The following EIF4A3 variants were observed in gnomAD, a reference collection of about 807,000 sequenced individuals.
The protein encoded by EIF4A3 is eukaryotic initiation factor 4A-III.
In EIF4A3, 1 loss-of-function variant was observed where a neutral mutation model predicts 55.6. The observed-to-expected ratio is 0.02, with a 90% CI of 0.01 to 0.09. The LOEUF is 0.09. Ranked by LOEUF, EIF4A3 falls within the 10% of genes least tolerant of loss-of-function variation. The pLI is 1.00. For missense variants in EIF4A3, 221 were observed against 540.7 expected (o/e 0.41, Z 5.86); for synonymous variants, 194 against 196.3 (o/e 0.99, Z 0.10).
Position 80,135,149 on chromosome 17 carries a change from C to CAA in EIF4A3, c.*339_*340dup, listed in dbSNP as rs1311618112. 4.6e-4 allele frequency: 62 copies of CAA among 133,578 alleles called. No individual in the cohort carries two copies. Among genetic ancestry groups the CAA allele is most frequent in the Non-Finnish European group, 6.8e-4 (48 of 70,782 alleles). 8.3% of individuals were successfully genotyped at this position (133,578 alleles called of 1,614,324 possible). A position where few individuals can be genotyped will look rare whatever the true frequency, so the allele number is the denominator to read the frequency against. On this transcript the variant is annotated 3_prime_UTR_variant, in exon 12 of 12. Transcript: ENST00000649764. ...CCTGGGCAACAGAGGGAGACTGTCT[C>CAA]AAAAAAAAAAAAGAAAAAGAAAAGA...
intron 11 of EIF4A3, 30 bp downstream of exon 11, chr17:80,135,974 C>T (rs1251486164): frequency 1.4e-5 from 23 of 1,606,078 alleles, no homozygotes; most frequent in Non-Finnish European, 1.9e-5. Context: ...GTTCCCTCTA[C>T]AATTACAGTA....
At chr17:80,145,255 T>C (rs1315345807) in intron 1 of EIF4A3, among the ~76,000 whole-genome samples, 2 of 152,156 alleles carry the variant, frequency 1.3e-5, no homozygotes, top group Non-Finnish European at 2.9e-5. Flanking sequence ...TTGTCCAAAC[T>C]GTTGTGGCAT....
intron 2 of EIF4A3, among the ~76,000 whole-genome samples, chr17:80,143,688 G>A (rs2039636204): frequency 1.3e-5 from 2 of 152,200 alleles, no homozygotes; most frequent in Admixed American, 6.5e-5. Flanking sequence ...CTAAGAAAAT[G>A]AAAGCCTTGG....
chr17:80,138,321 C>T (rs774385640), intron 7 of EIF4A3, 41 bp from the exon 8 acceptor site: 1 of 1,606,984 alleles, frequency 6.2e-7, no homozygotes, highest in Non-Finnish European at 8.5e-7. Context: ...CTCATCCTTC[C>T]TTCTAGGACT....
intron 2 of EIF4A3, among the ~76,000 whole-genome samples, chr17:80,142,299 A>G (rs1160291515): frequency 6.6e-6 from 1 of 152,240 alleles, no homozygotes; most frequent in Non-Finnish European, 1.5e-5. Flanking sequence ...GTTTTCATCC[A>G]TAGTTCCTGG....
chr17:80,137,516 A>G lies in EIF4A3; in HGVS notation c.868-15T>C. Reference sequence around the variant, plus strand: ...AGCCAGTCCACCTACAAATCCAATCAACAGATGCTACTGCAAGCTAGTATA... The same window carrying G: ...AGCCAGTCCACCTACAAATCCAATCGACAGATGCTACTGCAAGCTAGTATA... On this transcript the variant is annotated splice_polypyrimidine_tract_variant and intron_variant, in intron 8 of 11. Transcript: ENST00000649764. 6.2e-7 allele frequency: 1 copy of G among 1,605,876 alleles called. No individual in the cohort carries two copies. Among genetic ancestry groups the G allele is most frequent in the East Asian group, 2.2e-5 (1 of 44,754 alleles).
intron 3 of EIF4A3, 88 bp downstream of exon 3, chr17:80,141,694 T>C: frequency 2.2e-6 from 3 of 1,373,942 alleles, no homozygotes; most frequent in African/African-American, 1.5e-5. Context: ...AAATTTTAAA[T>C]TGTACTTTTT....
rs148708646 is a variant in EIF4A3 at position 80,138,410 on chromosome 17, C to A, written c.729-130G>T. 288 of 1,104,460 alleles carry A rather than the reference C, an allele frequency of 2.6e-4. 4 individuals are homozygous for A. The East Asian group carries it at 5.1e-3, about 19-fold the overall frequency. 68.4% of individuals were successfully genotyped at this position (1,104,460 alleles called of 1,614,324 possible). A position where few individuals can be genotyped will look rare whatever the true frequency, so the allele number is the denominator to read the frequency against. On this transcript the variant is annotated intron_variant, in intron 7 of 11. Coordinates refer to ENST00000649764, the MANE Select transcript of EIF4A3 (RefSeq NM_014740.4). ...GTGATATCTGGTGCAGACCCAGCAG[C>A]CCCAGCCCTGTCCTCCATCCTATCA...
chr17:80,141,720 A>G, intron 3 of EIF4A3, 62 bp downstream of exon 3: 1 of 1,518,612 alleles, frequency 6.6e-7, no homozygotes, highest in South Asian at 1.1e-5. Flanking sequence ...CTGTAGTTAC[A>G]GAAGAAAAAG....
intron 11 of EIF4A3, 57 bp downstream of exon 11, chr17:80,135,947 A>G: frequency 1.9e-6 from 3 of 1,568,274 alleles, no homozygotes; most frequent in Non-Finnish European, 2.6e-6. Flanking sequence ...CAGGTGCCCC[A>G]AACTAAGAAT....
rs1182431131 is a variant in EIF4A3 at position 80,134,383 on chromosome 17, TTAAA to T, written c.*1103_*1106del. ...TACTTTAAATATTTCAACAGATAAC[TTAAA>T]TACTTTAATAATTTAAATATTTAAA... On this transcript the variant is annotated 3_prime_UTR_variant, in exon 12 of 12. Transcript: ENST00000649764. Among the ~76,000 whole-genome samples, 61 of 152,206 alleles carry T rather than the reference TTAAA, an allele frequency of 4.0e-4. 1 individual carries two copies. Among genetic ancestry groups the T allele is most frequent in the African/African-American group, 1.4e-3 (59 of 41,434 alleles).
chr17:80,141,176 G>A, intron 4 of EIF4A3, 143 bp downstream of exon 4: 4 of 810,262 alleles, frequency 4.9e-6, no homozygotes, highest in Non-Finnish European at 7.5e-6. Flanking sequence ...TTTATATAAT[G>A]ATTAATGGCA....
rs756463730 is a variant in EIF4A3 at position 80,136,332 on chromosome 17, T to C, written c.987A>G (p.Arg329=). Residue 329 remains arginine (R), a synonymous_variant, in exon 10 of 12, where the codon CGA becomes CGG. Transcript: ENST00000649764. The stretch of plus-strand genomic sequence containing the variant: ...CCCAGACATCTGTAGAAATAAGCAC[T>C]CGGCTGCAAAAAGAAAGAGTGTTTG... ...IMKEFRSGAS[R]VLISTDVWAR... is the part of the protein sequence containing the mutation. 6.2e-7 allele frequency: 1 copy of C among 1,612,102 alleles called. No homozygotes were observed. The highest frequency in any genetic ancestry group is 2.2e-5 in the East Asian group (1 of 44,866).
chr17:80,137,224 C>G, intron 9 of EIF4A3, 162 bp downstream of exon 9: 1 of 577,534 alleles, frequency 1.7e-6, no homozygotes, highest in Admixed American at 3.5e-5. Context: ...CAGCGGACCC[C>G]TCCTTAACTG....
At chr17:80,143,287 T>A (rs1389700585) in intron 2 of EIF4A3, among the ~76,000 whole-genome samples, 1 of 152,132 alleles carries the variant, frequency 6.6e-6, no homozygotes, top group Non-Finnish European at 1.5e-5. Context: ...TGCAGTACCC[T>A]TTATAATAAA....
In EIF4A3 at chr17:80,135,988, C is replaced by T. The variant is rs201799302; in HGVS notation, c.1219+16G>A. 2.5e-6 allele frequency: 4 copies of T among 1,612,900 alleles called. No homozygotes were observed. In the East Asian group the frequency reaches 6.7e-5, roughly 27 times the overall value. On this transcript the variant is annotated intron_variant, in intron 11 of 11. Coordinates refer to ENST00000649764, the MANE Select transcript of EIF4A3 (RefSeq NM_014740.4). Reference sequence around the variant, plus strand: ...AGTTCCCTCTACAATTACAGTAGAGCTGGACGATTTCCTACCGTTCATCGG... The same window carrying T: ...AGTTCCCTCTACAATTACAGTAGAGTTGGACGATTTCCTACCGTTCATCGG...
intron 9 of EIF4A3, chr17:80,136,589 A>G: frequency 1.9e-6 from 1 of 518,612 alleles, no homozygotes; most frequent in Non-Finnish European, 3.4e-6. Flanking sequence ...ATCTTTTACT[A>G]GACTATCTTT....
rs887742470 is a variant in EIF4A3, at chr17:80,135,368, G to A, written c.*122C>T. On this transcript the variant is annotated 3_prime_UTR_variant, in exon 12 of 12. Transcript: ENST00000649764. ...ATATCCTCTTCAAAGGAAGGGAGACGGCAGGCCATTTATGAGAAGAAAGTC... is the reference window on the plus strand; with the variant it reads ...ATATCCTCTTCAAAGGAAGGGAGACAGCAGGCCATTTATGAGAAGAAAGTC... The A allele has an allele frequency of 3.0e-5, 34 of 1,134,116 alleles. No individual in the cohort carries two copies. Among genetic ancestry groups the A allele is most frequent in the African/African-American group, 1.1e-4 (7 of 62,766 alleles). 70.3% of individuals were successfully genotyped at this position (1,134,116 alleles called of 1,614,324 possible).
At chr17:80,137,910 C>G (rs2039586058) in intron 8 of EIF4A3, among the ~76,000 whole-genome samples, 1 of 152,168 alleles carries the variant, frequency 6.6e-6, no homozygotes, top group Non-Finnish European at 1.5e-5. Context: ...CCAACGAAAT[C>G]TGAATCTTTA....
Sources: gnomAD v4.1 joint callset for allele counts (sites outside exome capture counted in the v4.1 genomes callset) on GRCh38, gnomAD v4.1.1 for gene constraint, MANE v1.5 for transcripts, NCBI Gene and HGNC (gene_info 2026-07-23, HGNC 2026-07-21) for gene names.